The following AOX1 variants were observed in gnomAD, a reference collection of about 807,000 sequenced individuals.
The protein encoded by AOX1 is aldehyde oxidase 1.
Under a neutral mutation model 169.5 loss-of-function variants are expected in AOX1, and 153 were observed. That is an observed-to-expected ratio of 0.90 (90% confidence interval 0.79 to 1.03). The LOEUF (loss-of-function observed/expected upper bound fraction) is 1.03, where lower values mean the gene tolerates loss of function less well. Among genes scored for constraint, AOX1 ranks in the 50% least tolerant of loss-of-function variants. The pLI is 0.00. For synonymous variants in AOX1, 562 were observed against 581.9 expected, an observed-to-expected ratio of 0.97 and a Z score of 0.49; for missense variants, 1,656 against 1,663.9, an observed-to-expected ratio of 1.00 and a Z score of 0.08.
chr2:200,650,981 T>C lies in AOX1; in HGVS notation c.2855T>C (p.Ile952Thr), dbSNP rs1243087983. 1 of 1,614,078 alleles carries C rather than the reference T, an allele frequency of 6.2e-7. No individual in the cohort carries two copies. The highest frequency in any genetic ancestry group is 1.7e-5 in the Admixed American group (1 of 60,012). ...TCTCCTTTTCTTTCATAGGTGCGAA[T>C]CATAAACATGTACAAGGAAATTGAT... The part of the protein sequence containing the change: ...KCGLSPEKVR[I>T]INMYKEIDQT... The change falls in exon 26 of 35, where the codon ATC (isoleucine) becomes ACC (threonine). Residue 952 changes from isoleucine (I) to threonine (T), a missense_variant. Coordinates refer to ENST00000374700, the MANE Select transcript of AOX1 (RefSeq NM_001159.4).
At chr2:200,635,753 A>G (rs1239078622) in intron 21 of AOX1, among the ~76,000 whole-genome samples, 2 of 152,146 alleles carry the variant, frequency 1.3e-5, no homozygotes, top group Non-Finnish European at 2.9e-5. Flanking sequence ...TGCCTTTAGG[A>G]AAGCTAGGTT....
intron 25 of AOX1, among the ~76,000 whole-genome samples, chr2:200,648,397 C>T (rs193189744): frequency 2.6e-5 from 4 of 152,300 alleles, no homozygotes; most frequent in South Asian, 2.1e-4. Context: ...ACCCAGCTCC[C>T]GGCTGGTACT....
intron 27 of AOX1, among the ~76,000 whole-genome samples, chr2:200,657,190 A>ATTTTTTTTTTTTTTT (rs5837752): frequency 9.5e-5 from 6 of 62,882 alleles, no homozygotes; most frequent in African/African-American, 4.7e-4. Context: ...ATATATATAT[A>ATTTTTTTTTTTTTTT]TTTTTTTTTT....
At chr2:200,662,715 G>T in intron 30 of AOX1, 140 bp from the exon 31 acceptor site, 2 of 619,414 alleles carry the variant, frequency 3.2e-6, no homozygotes, top group African/African-American at 1.8e-5. Flanking sequence ...CACATTTATC[G>T]CACATACATT....
intron 26 of AOX1, among the ~76,000 whole-genome samples, chr2:200,655,716 G>A (rs961701528): frequency 6.6e-6 from 1 of 152,066 alleles, no homozygotes; most frequent in Non-Finnish European, 1.5e-5. Context: ...GTCATTCACG[G>A]GGGTAATGTG....
downstream of AOX1, chr2:200,679,180 C>G (rs563756030): frequency 6.6e-6 from 1 of 152,298 alleles, no homozygotes; most frequent in Middle Eastern, 3.4e-3. Flanking sequence ...AGCTCTAACA[C>G]TCACTCAATT....
downstream of AOX1, among the ~76,000 whole-genome samples, chr2:200,679,800 G>T (rs1213754397): frequency 2.6e-5 from 4 of 152,142 alleles, no homozygotes; most frequent in South Asian, 4.1e-4. Flanking sequence ...TAAGAAAAAG[G>T]ATTGGGCACA....
intron 20 of AOX1, among the ~76,000 whole-genome samples, chr2:200,629,505 A>G (rs1159283182): frequency 2.0e-5 from 3 of 152,208 alleles, no homozygotes; most frequent in South Asian, 4.1e-4. Flanking sequence ...TATAGGAATC[A>G]CTGAGGATAT....
chr2:200,586,020 C>G lies in AOX1; in HGVS notation c.-89C>G, dbSNP rs1490132991. ...CTCCAGCAAGCCCCGCCCCACTCGG[C>G]GGGTCGGTGCCGCCGGGTCCCAGGT... On this transcript the variant is annotated 5_prime_UTR_variant, in exon 1 of 35. Coordinates refer to ENST00000374700, the MANE Select transcript of AOX1 (RefSeq NM_001159.4). 2 of 1,446,378 alleles carry G rather than the reference C, an allele frequency of 1.4e-6. No homozygotes were observed. The highest frequency in any genetic ancestry group is 2.8e-5 in the African/African-American group (2 of 70,922). 89.6% of individuals were successfully genotyped at this position (1,446,378 alleles called of 1,614,324 possible). A position where few individuals can be genotyped will look rare whatever the true frequency, so the allele number is the denominator to read the frequency against.
intron 4 of AOX1, among the ~76,000 whole-genome samples, chr2:200,676,614 A>AAAAAAG (rs1553582555): frequency 6.7e-6 from 1 of 148,462 alleles, no homozygotes; most frequent in African/African-American, 2.5e-5. Context: ...AAAAAAAAAA[A>AAAAAAG]AAGAAGAAGA....
At chr2:200,669,765 A>G (rs754957214) in intron 34 of AOX1, 23 bp downstream of exon 34, 1 of 1,605,718 alleles carries the variant, frequency 6.2e-7, no homozygotes, top group East Asian at 2.2e-5. Flanking sequence ...GGTAGAAAAA[A>G]AATAGTGATC....
Position 200,586,044 on chromosome 2 carries a change from G to A in AOX1, c.-65G>A, listed in dbSNP as rs2034021089. On this transcript the variant is annotated 5_prime_UTR_variant, in exon 1 of 35. It adds an upstream start codon to the 5' untranslated region. Coordinates refer to ENST00000374700, the MANE Select transcript of AOX1 (RefSeq NM_001159.4). ...GCGGGTCGGTGCCGCCGGGTCCCAG[G>A]TGCCCGCTACTTCCCAGAACCTCCG... The A allele has an allele frequency of 6.5e-7, 1 of 1,538,492 alleles. No individual in the cohort carries two copies. The highest frequency in any genetic ancestry group is 8.8e-7 in the Non-Finnish European group (1 of 1,141,216).
At position 200,626,318 on chromosome 2, in the gene AOX1, A is replaced by G. The variant is rs1231346047; in HGVS notation, c.2125-1035A>G. ...GAATGGGGGAAATGGCAGAATCACAATAGCCCATCCCTCTAAGGGGTGTTG... is the reference window on the plus strand; with the variant it reads ...GAATGGGGGAAATGGCAGAATCACAGTAGCCCATCCCTCTAAGGGGTGTTG... On this transcript the variant is annotated intron_variant, in intron 19 of 34. Transcript: ENST00000374700. Among the ~76,000 whole-genome samples, 3 of 152,212 alleles carry G rather than the reference A, an allele frequency of 2.0e-5. No individual in the cohort carries two copies. In the East Asian group the frequency reaches 5.8e-4, roughly 29 times the overall value.
At chr2:200,595,421 G>T in intron 3 of AOX1, 53 bp downstream of exon 3, 7 of 1,336,250 alleles carry the variant, frequency 5.2e-6, no homozygotes, top group South Asian at 1.3e-5. Context: ...TTTGAACTTT[G>T]TTATATTCCT....
chr2:200,609,028 A>G lies in AOX1; in HGVS notation c.952A>G (p.Ile318Val). 6.2e-7 allele frequency: 1 copy of G among 1,614,114 alleles called. No individual in the cohort carries two copies. The highest frequency in any genetic ancestry group is 1.7e-4 in the Middle Eastern group (1 of 6,052). ...AGLSLAQVKD[I>V]LADVVQKLPE... Reference sequence around the variant, plus strand: ...TCTCAGCCTAGCCCAGGTGAAGGACATTTTGGCTGATGTAGTCCAGAAGCT... The same window carrying G: ...TCTCAGCCTAGCCCAGGTGAAGGACGTTTTGGCTGATGTAGTCCAGAAGCT... The change falls in exon 11 of 35, where the codon ATT (isoleucine) becomes GTT (valine). Residue 318 changes from isoleucine (I) to valine (V), a missense_variant. Transcript: ENST00000374700.
chr2:200,669,014 G>C (rs2035976553), intron 33 of AOX1, among the ~76,000 whole-genome samples: 1 of 152,044 alleles, frequency 6.6e-6, no homozygotes, highest in Non-Finnish European at 1.5e-5. Context: ...TTGCCATCAG[G>C]TTCTATCTAA....
At chr2:200,618,658 G>A (rs2034818676) in intron 16 of AOX1, among the ~76,000 whole-genome samples, 1 of 152,134 alleles carries the variant, frequency 6.6e-6, no homozygotes, top group Non-Finnish European at 1.5e-5. Flanking sequence ...TCCAGCCAGA[G>A]GTTTTTTGTT....
chr2:200,681,864 C>T (rs1198543568), downstream of AOX1, among the ~76,000 whole-genome samples: 1 of 151,836 alleles, frequency 6.6e-6, no homozygotes, highest in Non-Finnish European at 1.5e-5. Context: ...GGAAATATTA[C>T]GACTCTAAAA....
chr2:200,666,539 A>G (rs2105775622), intron 31 of AOX1, 148 bp from the exon 32 acceptor site: 1 of 462,664 alleles, frequency 2.2e-6, no homozygotes, highest in Admixed American at 3.9e-5. Flanking sequence ...ACTTTGTCCT[A>G]TAATAAAATC....
Sources: gnomAD v4.1 joint callset for allele counts (sites outside exome capture counted in the v4.1 genomes callset) on GRCh38, gnomAD v4.1.1 for gene constraint, MANE v1.5 for transcripts, NCBI Gene and HGNC (gene_info 2026-07-23, HGNC 2026-07-21) for gene names.